OSBPL2: variants seen among roughly 807,000 people sequenced by gnomAD.
OSBPL2 encodes the protein oxysterol-binding protein-related protein 2.
Under a neutral mutation model 58.4 loss-of-function variants are expected in OSBPL2, and 18 were observed. The observed-to-expected ratio is 0.31, with a 90% CI of 0.21 to 0.46. The LOEUF is 0.46. Ranked by LOEUF, OSBPL2 falls within the 20% of genes least tolerant of loss-of-function variation. OSBPL2 has a pLI of 1.00. For synonymous variants in OSBPL2, 221 were observed against 234.1 expected (o/e 0.94, Z 0.51); for missense variants, 461 against 616.5 (o/e 0.75, Z 2.67).
At chr20:62,267,461 C>T (rs970657498) in intron 4 of OSBPL2, among the ~76,000 whole-genome samples, 12 of 152,202 alleles carry the variant, frequency 7.9e-5, no homozygotes, top group East Asian at 1.9e-4. Flanking sequence ...CTATCCTGTG[C>T]GTTTACTGTT....
intron 1 of OSBPL2, among the ~76,000 whole-genome samples, chr20:62,252,749 C>T (rs934106544): frequency 2.0e-5 from 3 of 152,264 alleles, no homozygotes; most frequent in Non-Finnish European, 4.4e-5. Context: ...GGCATCTGCT[C>T]AGCCTCTGAG....
intron 7 of OSBPL2, chr20:62,280,000 C>A (rs1982679042): frequency 7.7e-7 from 1 of 1,304,126 alleles, no homozygotes; most frequent in Non-Finnish European, 1.0e-6. Flanking sequence ...TAAATGCTCC[C>A]CAATCCAGTG....
At chr20:62,257,703 A>G (rs1003979045) in intron 2 of OSBPL2, among the ~76,000 whole-genome samples, 1 of 147,850 alleles carries the variant, frequency 6.8e-6, no homozygotes, top group African/African-American at 2.5e-5. Context: ...ACTTTCCCGA[A>G]TACCTCTGGC....
At chr20:62,286,897 C>T (rs755119455) in intron 11 of OSBPL2, among the ~76,000 whole-genome samples, 186 bp downstream of exon 11, 1 of 152,256 alleles carries the variant, frequency 6.6e-6, no homozygotes, top group Non-Finnish European at 1.5e-5. Context: ...AGCTGCGTCC[C>T]GGCCCTGTGC....
intron 1 of OSBPL2, among the ~76,000 whole-genome samples, chr20:62,247,029 C>T (rs963016956): frequency 6.6e-6 from 1 of 152,188 alleles, no homozygotes; most frequent in Non-Finnish European, 1.5e-5. Context: ...GCCGACTGCT[C>T]TGGGGAAGGA....
intron 4 of OSBPL2, among the ~76,000 whole-genome samples, chr20:62,268,914 G>A (rs924996308): frequency 5.9e-5 from 9 of 152,114 alleles, no homozygotes; most frequent in Non-Finnish European, 1.2e-4. Context: ...AAAATTAGCC[G>A]GGTGTGGCAG....
intron 1 of OSBPL2, among the ~76,000 whole-genome samples, chr20:62,255,545 C>T (rs1204344051): frequency 6.6e-6 from 1 of 151,860 alleles, no homozygotes; most frequent in South Asian, 2.1e-4. Context: ...ATTTTGTCAC[C>T]CAGGCTGAAG....
At position 62,239,178 on chromosome 20, in the gene OSBPL2, C is replaced by T. The variant is rs1455157704; in HGVS notation, c.-129+581C>T. On this transcript the variant is annotated intron_variant, in intron 1 of 13. Coordinates refer to ENST00000313733, the MANE Select transcript of OSBPL2 (RefSeq NM_144498.4). ...CACGTCGTCCCGGGGAGGGTGCCCG[C>T]GAGCCCTTGTCCGTTCCCCTGGGCT... is the stretch of plus-strand genomic sequence containing the variant. 1.3e-5 allele frequency: 2 copies of T among 152,242 alleles called. 1 individual carries two copies. Among genetic ancestry groups the T allele is most frequent in the Non-Finnish European group, 2.9e-5 (2 of 68,052 alleles). The allele number at this position is 152,242 out of a possible 1,614,324, so 9.4% of individuals were successfully genotyped here.
intron 12 of OSBPL2, 102 bp downstream of exon 12, chr20:62,289,432 C>T: frequency 7.3e-7 from 1 of 1,369,218 alleles, no homozygotes; most frequent in Non-Finnish European, 9.9e-7. Flanking sequence ...CTCTCGCCTA[C>T]AAGGGGAGCC....
chr20:62,256,536 C>T (rs1980934012), intron 2 of OSBPL2, among the ~76,000 whole-genome samples: 1 of 152,164 alleles, frequency 6.6e-6, no homozygotes, highest in African/African-American at 2.4e-5. Flanking sequence ...ATATGATGAC[C>T]CTGTCTTGCT....
At chr20:62,244,955 C>T (rs555734619) in intron 1 of OSBPL2, among the ~76,000 whole-genome samples, 4 of 152,346 alleles carry the variant, frequency 2.6e-5, no homozygotes, top group East Asian at 1.9e-4. Flanking sequence ...AAACTTCCTG[C>T]GTGAATTCTG....
chr20:62,249,130 G>A (rs559913985), intron 1 of OSBPL2, among the ~76,000 whole-genome samples: 15 of 152,322 alleles, frequency 9.8e-5, no homozygotes, highest in Middle Eastern at 6.8e-3. Flanking sequence ...TCCTTTTCAA[G>A]GGACTGGTGA....
intron 3 of OSBPL2, among the ~76,000 whole-genome samples, chr20:62,262,831 G>C (rs916698939): frequency 3.9e-5 from 6 of 152,196 alleles, no homozygotes; most frequent in Non-Finnish European, 7.3e-5. Flanking sequence ...TTCAGCAGGA[G>C]AGCCCTGGGG....
In OSBPL2 at chr20:62,266,085, G is replaced by C. The variant is rs1241590918; in HGVS notation, c.258+2394G>C. ...TGCAGTGAACTGTGATTTCACCACTGTGCTCCAGCCTAGATGACAGAGGGA... is the reference window on the plus strand; with the variant it reads ...TGCAGTGAACTGTGATTTCACCACTCTGCTCCAGCCTAGATGACAGAGGGA... On this transcript the variant is annotated intron_variant, in intron 4 of 13. Transcript: ENST00000313733. Among the ~76,000 whole-genome samples the C allele has an allele frequency of 2.0e-5, 3 of 152,170 alleles. No homozygotes were observed. In the East Asian group the frequency reaches 5.8e-4, roughly 29 times the overall value.
At position 62,293,891 on chromosome 20, in the gene OSBPL2, C is replaced by T. The variant is rs371365664; in HGVS notation, c.*4C>T. The T allele has an allele frequency of 2.2e-5, 35 of 1,612,960 alleles. No individual in the cohort carries two copies. The highest frequency in any genetic ancestry group is 2.8e-5 in the Non-Finnish European group (33 of 1,179,580). On this transcript the variant is annotated 3_prime_UTR_variant, in exon 14 of 14. Coordinates refer to ENST00000313733, the MANE Select transcript of OSBPL2 (RefSeq NM_144498.4). ...CGACTGCCCAGATATCTACTGAGGGCCTGGAGGGGCCTGGGGCCCGGGACC... is the reference window on the plus strand; with the variant it reads ...CGACTGCCCAGATATCTACTGAGGGTCTGGAGGGGCCTGGGGCCCGGGACC...
At chr20:62,273,486 C>CAGAGGA in intron 6 of OSBPL2, 80 bp downstream of exon 6, 1 of 1,075,488 alleles carries the variant, frequency 9.3e-7, no homozygotes, top group Non-Finnish European at 1.4e-6. Flanking sequence ...CTTTCACTAG[C>CAGAGGA]ATTGATTCCT....
Position 62,293,808 on chromosome 20 carries a change from C to T in OSBPL2, c.1364C>T (p.Pro455Leu). 1 of 1,614,132 alleles carries T rather than the reference C, an allele frequency of 6.2e-7. No individual in the cohort carries two copies. Among genetic ancestry groups the T allele is most frequent in the African/African-American group, 1.3e-5 (1 of 75,058 alleles). Residue 455 changes from proline (P) to leucine (L), a missense_variant, in exon 14 of 14, where the codon CCC becomes CTC. By Grantham distance (98) the Pro-to-Leu change is moderately conservative (BLOSUM62 -3). This residue lies in a region of OSBPL2 where 319 missense variants were observed against 419.2 expected (regional missense o/e 0.76). Coordinates refer to ENST00000313733, the MANE Select transcript of OSBPL2 (RefSeq NM_144498.4). ...QTRWFYPGNN[P>L]YTGTPDWLYA... ...AGGTGGTTCTACCCAGGCAATAACC[C>T]CTACACTGGGACCCCCGACTGGTTG... is the stretch of plus-strand genomic sequence containing the variant.
chr20:62,239,651 C>A (rs1402191065), intron 1 of OSBPL2, among the ~76,000 whole-genome samples: 1 of 152,192 alleles, frequency 6.6e-6, no homozygotes, highest in Non-Finnish European at 1.5e-5. Context: ...TGCTGTGCGG[C>A]CTTCCCACCA....
At chr20:62,243,016 G>A (rs141753544) in intron 1 of OSBPL2, among the ~76,000 whole-genome samples, 249 of 152,318 alleles carry the variant, frequency 1.6e-3, no homozygotes, top group African/African-American at 5.4e-3. Flanking sequence ...AAGGCTGATC[G>A]TGAGAAAGAG....
Sources: gnomAD v4.1 joint callset for allele counts (sites outside exome capture counted in the v4.1 genomes callset) on GRCh38, gnomAD v4.1.1 for gene constraint, gnomAD v4.1.1 regional missense constraint, MANE v1.5 for transcripts, NCBI Gene and HGNC (gene_info 2026-07-23, HGNC 2026-07-21) for gene names.